PRKAG2: variants seen among roughly 807,000 people sequenced by gnomAD.
PRKAG2 encodes the protein protein kinase AMP-activated non-catalytic subunit gamma 2.
PRKAG2 carries 26 observed loss-of-function variants against 69.6 expected under a neutral mutation model. That is an observed-to-expected ratio of 0.37 (90% CI 0.27 to 0.52). The LOEUF (loss-of-function observed/expected upper bound fraction) is 0.52. Ranked by LOEUF, PRKAG2 falls within the 20% of genes least tolerant of loss-of-function variation. The pLI, the probability that PRKAG2 is intolerant of heterozygous loss-of-function variation, is 0.90. For synonymous variants in PRKAG2, 293 were observed against 285.0 expected, an observed-to-expected ratio of 1.03 and a Z score of -0.28; for missense variants, 557 against 740.0, an observed-to-expected ratio of 0.75 and a Z score of 2.87.
intron 1 of PRKAG2, among the ~76,000 whole-genome samples, chr7:151,860,795 T>C (rs1291584832): frequency 1.3e-5 from 2 of 152,174 alleles, no homozygotes; most frequent in Non-Finnish European, 2.9e-5. Flanking sequence ...GGCACTGTTC[T>C]CGCCCAGGGA....
intron 3 of PRKAG2, among the ~76,000 whole-genome samples, chr7:151,682,217 G>A (rs937639523): frequency 1.3e-5 from 2 of 152,076 alleles, no homozygotes; most frequent in African/African-American, 4.8e-5. Context: ...TAAATAAAAG[G>A]GAAAATGGGC....
intron 1 of PRKAG2, among the ~76,000 whole-genome samples, chr7:151,832,597 G>GGC (rs1554614846): frequency 2.0e-5 from 3 of 150,922 alleles, no homozygotes; most frequent in African/African-American, 7.3e-5. Flanking sequence ...GGCATCTCTG[G>GGC]GGGGGGGGTC....
chr7:151,854,750 G>A (rs528174885), intron 1 of PRKAG2, among the ~76,000 whole-genome samples: 6 of 152,262 alleles, frequency 3.9e-5, no homozygotes, highest in South Asian at 2.1e-4. Context: ...CTTAGGGCGC[G>A]CCTCCTGTGA....
At chr7:151,831,709 C>T (rs558720187) in intron 1 of PRKAG2, among the ~76,000 whole-genome samples, 4 of 152,298 alleles carry the variant, frequency 2.6e-5, no homozygotes, top group Admixed American at 2.6e-4. Context: ...GCCTCCTCCT[C>T]CAAGCTGGTC....
intron 6 of PRKAG2, among the ~76,000 whole-genome samples, chr7:151,589,421 G>A (rs1490266312): frequency 1.3e-5 from 2 of 152,296 alleles, no homozygotes; most frequent in Middle Eastern, 3.4e-3. Context: ...TTTTGGATTC[G>A]GGTCTCAGAT....
At chr7:151,565,448 A>G in intron 12 of PRKAG2, 65 bp from the exon 13 acceptor site, 1 of 1,159,778 alleles carries the variant, frequency 8.6e-7, no homozygotes, top group Non-Finnish European at 1.2e-6. Flanking sequence ...ATTTAAAATC[A>G]GTTTTAATGA....
intron 5 of PRKAG2, among the ~76,000 whole-genome samples, chr7:151,630,935 A>C (rs1824257040): frequency 6.6e-6 from 1 of 152,268 alleles, no homozygotes; most frequent in Admixed American, 6.5e-5. Context: ...AATGACAATG[A>C]CTATGAACGC....
intron 1 of PRKAG2, among the ~76,000 whole-genome samples, chr7:151,811,579 G>T (rs990288353): frequency 1.3e-5 from 2 of 152,250 alleles, no homozygotes; most frequent in Non-Finnish European, 2.9e-5. Context: ...CACACTTGTG[G>T]GAAGGATGTT....
At chr7:151,744,133 C>T (rs1051931334) in intron 3 of PRKAG2, among the ~76,000 whole-genome samples, 22 of 152,214 alleles carry the variant, frequency 1.4e-4, no homozygotes, top group South Asian at 8.3e-4. Context: ...CCACAAGAGA[C>T]ACAATGGCGC....
rs193102346 is a variant in PRKAG2 at position 151,572,499 on chromosome 7, C to G, written c.1051+165G>C. 6 of 584,206 alleles carry G rather than the reference C, an allele frequency of 1.0e-5. No individual in the cohort carries two copies. In the African/African-American group the frequency reaches 1.1e-4, roughly 11 times the overall value. The allele number at this position is 584,206 out of a possible 1,614,324, so 36.2% of individuals were successfully genotyped here. On this transcript the variant is annotated intron_variant, in intron 9 of 15. Transcript: ENST00000287878. ...AAGGGACAATACTTATATTGTTCAGCTTTAGTACAGTAGCATACTATCAAA... is the reference window on the plus strand; with the variant it reads ...AAGGGACAATACTTATATTGTTCAGGTTTAGTACAGTAGCATACTATCAAA...
chr7:151,869,731 C>T (rs1251941568), intron 1 of PRKAG2, among the ~76,000 whole-genome samples: 1 of 152,262 alleles, frequency 6.6e-6, no homozygotes, highest in African/African-American at 2.4e-5. Flanking sequence ...TGTGCCGTGC[C>T]CCACTGAGGA....
chr7:151,863,654 G>A (rs1043237897), intron 1 of PRKAG2, among the ~76,000 whole-genome samples: 1 of 152,300 alleles, frequency 6.6e-6, no homozygotes, highest in Admixed American at 6.5e-5. Flanking sequence ...GGTGGCTCAC[G>A]CCTGCAATCT....
Position 151,807,859 on chromosome 7 carries a change from C to T in PRKAG2, c.115-21318G>A, listed in dbSNP as rs56729506. ...ATAAATCTGGATGCGGTGGAGACAA[C>T]GGCCAAACAGAAAAACCGCTTGGAG... is the stretch of plus-strand genomic sequence containing the variant. On this transcript the variant is annotated intron_variant, in intron 1 of 15. Coordinates refer to ENST00000287878, the MANE Select transcript of PRKAG2 (RefSeq NM_016203.4). This position sits in a 1 kb window ranked among gnomAD's most constrained non-coding sequence, Gnocchi z 4.4. Among the ~76,000 whole-genome samples the T allele has an allele frequency of 0.046, 7,045 of 152,118 alleles. 190 individuals carry two copies. Among genetic ancestry groups the T allele is most frequent in the Middle Eastern group, 0.082 (24 of 294 alleles).
chr7:151,582,587 G>A (rs919599729), intron 6 of PRKAG2, among the ~76,000 whole-genome samples: 12 of 152,216 alleles, frequency 7.9e-5, no homozygotes, highest in East Asian at 1.9e-4. Flanking sequence ...ACGGAAGCAC[G>A]TGGAGTGAAT....
chr7:151,855,319 TCCCACACACCGC>T, intron 1 of PRKAG2, among the ~76,000 whole-genome samples: 1 of 2,498 alleles, frequency 4.0e-4, no homozygotes, highest in Admixed American at 7.1e-3. Flanking sequence ...CACACCACCC[TCCCACACACCGC>T]CCTCCACACA....
At position 151,617,637 on chromosome 7, in the gene PRKAG2, T is replaced by C. The variant is rs577393947; in HGVS notation, c.754+14432A>G. Among the ~76,000 whole-genome samples the C allele has an allele frequency of 6.8e-4, 103 of 152,292 alleles. 1 individual carries two copies. In the Middle Eastern group the frequency reaches 0.031, roughly 45 times the overall value. On this transcript the variant is annotated intron_variant, in intron 5 of 15. Transcript: ENST00000287878. ...TTGTTGAGTTTTTTTAAAATAATCATGTTAACAGAAAAAAACCCCCATATT... is the reference window on the plus strand; with the variant it reads ...TTGTTGAGTTTTTTTAAAATAATCACGTTAACAGAAAAAAACCCCCATATT...
In PRKAG2 at chr7:151,780,390, A is replaced by G. The variant is rs565663045; in HGVS notation, c.466+762T>C. On this transcript the variant is annotated intron_variant, in intron 3 of 15. Transcript: ENST00000287878. This position sits in a 1 kb window ranked among gnomAD's most constrained non-coding sequence, Gnocchi z 4.2. The stretch of plus-strand genomic sequence containing the variant: ...CCAGGCCTCTGATGGTCAAGGACAA[A>G]TTTGTTTTCCACATCACTATCTTCC... Among the ~76,000 whole-genome samples the G allele has an allele frequency of 8.5e-5, 13 of 152,332 alleles. No individual in the cohort carries two copies. The highest frequency in any genetic ancestry group is 2.6e-4 in the African/African-American group (11 of 41,584).
intron 6 of PRKAG2, among the ~76,000 whole-genome samples, chr7:151,589,664 G>T (rs1017060162): frequency 1.2e-4 from 19 of 152,218 alleles, no homozygotes; most frequent in Non-Finnish European, 2.5e-4. Flanking sequence ...GGCCGGGCAC[G>T]GTGGCTCACA....
chr7:151,810,987 G>A (rs2078389151), intron 1 of PRKAG2, among the ~76,000 whole-genome samples: 1 of 152,106 alleles, frequency 6.6e-6, no homozygotes, highest in East Asian at 1.9e-4. Context: ...TGGGACCCCA[G>A]GTGGCGGAGA....
Sources: allele counts gnomAD v4.1 joint callset (sites outside exome capture counted in the v4.1 genomes callset), GRCh38; gene constraint gnomAD v4.1.1; non-coding constraint Gnocchi (gnomAD v3.1); transcripts MANE v1.5; gene names NCBI Gene and HGNC (gene_info 2026-07-23, HGNC 2026-07-21).